SOX5: variants seen among roughly 807,000 people sequenced by gnomAD.
SOX5 encodes transcription factor SOX-5.
A neutral mutation model predicts 92.0 loss-of-function variants in SOX5; 9 were observed. The observed-to-expected ratio is 0.10, with a 90% CI of 0.06 to 0.17. The LOEUF (loss-of-function observed/expected upper bound fraction) is 0.17. Among genes scored for constraint, SOX5 ranks in the 10% least tolerant of loss-of-function variants. The pLI is 1.00. For synonymous variants in SOX5, 344 were observed against 336.3 expected, an observed-to-expected ratio of 1.02 and a Z score of -0.25; for missense variants, 642 against 944.5, an observed-to-expected ratio of 0.68 and a Z score of 4.20.
intron 3 of SOX5, among the ~76,000 whole-genome samples, chr12:24,244,048 TAAAA>T (rs3031151): frequency 4.3e-4 from 57 of 131,606 alleles, no homozygotes; most frequent in East Asian, 6.5e-4. Flanking sequence ...GGCATATTGA[TAAAA>T]AAAAAAAAAA....
At chr12:24,216,593 A>G (rs1436866237) in intron 3 of SOX5, among the ~76,000 whole-genome samples, 1 of 152,042 alleles carries the variant, frequency 6.6e-6, no homozygotes, top group Non-Finnish European at 1.5e-5. Flanking sequence ...CACATGGCCA[A>G]TTATATGCTT....
At chr12:23,891,718 G>T (rs912097237) in intron 2 of SOX5, among the ~76,000 whole-genome samples, 2 of 152,004 alleles carry the variant, frequency 1.3e-5, no homozygotes, top group African/African-American at 2.4e-5. Flanking sequence ...AGAAATAAAA[G>T]AACCTATTTT....
intron 8 of SOX5, among the ~76,000 whole-genome samples, chr12:23,630,640 T>A (rs747137451): frequency 2.6e-5 from 4 of 151,988 alleles, no homozygotes; most frequent in Non-Finnish European, 5.9e-5. Flanking sequence ...AATAATACAT[T>A]TATTGTTCCA....
intron 9 of SOX5, among the ~76,000 whole-genome samples, chr12:23,595,022 C>T (rs1321239629): frequency 6.6e-6 from 1 of 152,128 alleles, no homozygotes; most frequent in Non-Finnish European, 1.5e-5. Context: ...TTAGCATGCA[C>T]AAAATTACCC....
At chr12:24,027,277 C>T (rs191898338) in intron 4 of SOX5, among the ~76,000 whole-genome samples, 96 of 152,048 alleles carry the variant, frequency 6.3e-4, no homozygotes, top group African/African-American at 2.2e-3. Context: ...CTGGCACCAT[C>T]TGTATTAAAA....
intron 2 of SOX5, among the ~76,000 whole-genome samples, chr12:23,868,462 C>A (rs777658379): frequency 6.6e-6 from 1 of 152,104 alleles, no homozygotes; most frequent in Non-Finnish European, 1.5e-5. Flanking sequence ...ATTGTCATTT[C>A]TCATACTCTT....
chr12:24,243,908 G>A (rs562405516), intron 3 of SOX5, among the ~76,000 whole-genome samples: 4 of 151,986 alleles, frequency 2.6e-5, no homozygotes, highest in South Asian at 2.1e-4. Flanking sequence ...GATTCTTCCC[G>A]GACATGATCT....
intron 1 of SOX5, among the ~76,000 whole-genome samples, chr12:23,914,235 G>A (rs972403355): frequency 1.3e-5 from 2 of 151,938 alleles, no homozygotes. Context: ...TAAGCTGATG[G>A]TTTTCTAAAT....
intron 4 of SOX5, among the ~76,000 whole-genome samples, chr12:24,189,124 A>C (rs967815481): frequency 2.6e-5 from 4 of 152,152 alleles, no homozygotes; most frequent in African/African-American, 9.7e-5. Flanking sequence ...AGCAATTATT[A>C]GAAACTTCCT....
At chr12:23,654,056 T>C (rs567204250) in intron 7 of SOX5, among the ~76,000 whole-genome samples, 22 of 152,176 alleles carry the variant, frequency 1.4e-4, no homozygotes, top group African/African-American at 5.1e-4. Flanking sequence ...AAAAACCATA[T>C]TATAAGACAA....
intron 2 of SOX5, among the ~76,000 whole-genome samples, chr12:23,889,713 T>A (rs1186293904): frequency 1.3e-5 from 2 of 152,124 alleles, no homozygotes; most frequent in Non-Finnish European, 2.9e-5. Context: ...TAAAAGACAG[T>A]TTTTTCTTCT....
chr12:23,548,866 T>A (rs1351341193), intron 11 of SOX5, among the ~76,000 whole-genome samples: 1 of 151,964 alleles, frequency 6.6e-6, no homozygotes, highest in Non-Finnish European at 1.5e-5. Context: ...GATTTAAGAA[T>A]AGTTCTCAAA....
chr12:23,657,917 T>G (rs2082516998), intron 7 of SOX5, among the ~76,000 whole-genome samples: 1 of 152,172 alleles, frequency 6.6e-6, no homozygotes. Flanking sequence ...TGTTAAAAAG[T>G]AAATGACATG....
At chr12:24,435,127 A>G (rs1939153581) in intron 1 of SOX5, among the ~76,000 whole-genome samples, 1 of 152,230 alleles carries the variant, frequency 6.6e-6, no homozygotes, top group African/African-American at 2.4e-5. Flanking sequence ...GCCAGTTACA[A>G]AAAATTTCCT....
At chr12:24,216,069 GCA>G (rs969465801) in intron 3 of SOX5, among the ~76,000 whole-genome samples, 1 of 152,168 alleles carries the variant, frequency 6.6e-6, no homozygotes, top group African/African-American at 2.4e-5. Flanking sequence ...CTGGTTCCTG[GCA>G]CAGAGTTTCA....
intron 1 of SOX5, among the ~76,000 whole-genome samples, chr12:24,416,193 A>C (rs1964985597): frequency 6.6e-6 from 1 of 152,202 alleles, no homozygotes; most frequent in South Asian, 2.1e-4. Context: ...AGATAACAGG[A>C]CTTACACATT....
chr12:23,784,413 G>A (rs974336222), intron 3 of SOX5, among the ~76,000 whole-genome samples: 4 of 152,020 alleles, frequency 2.6e-5, no homozygotes, highest in African/African-American at 7.2e-5. Context: ...TGCAGGTTCC[G>A]CCTCCCGGGT....
chr12:23,680,385 A>G (rs2086418539), intron 6 of SOX5, among the ~76,000 whole-genome samples: 1 of 151,392 alleles, frequency 6.6e-6, no homozygotes, highest in African/African-American at 2.4e-5. Flanking sequence ...CTCATCAAAT[A>G]GACAGCAAGT....
At chr12:23,561,784 T>C (rs1207912999) in intron 11 of SOX5, among the ~76,000 whole-genome samples, 2 of 144,626 alleles carry the variant, frequency 1.4e-5, no homozygotes, top group Non-Finnish European at 3.0e-5. Context: ...AAGGGGGAGA[T>C]AGGTAGAGTT....
Sources: gnomAD v4.1 joint callset for allele counts (sites outside exome capture counted in the v4.1 genomes callset) on GRCh38, gnomAD v4.1.1 for gene constraint, MANE v1.5 for transcripts, NCBI Gene and HGNC (gene_info 2026-07-23, HGNC 2026-07-21) for gene names.